The following DLGAP2 variants were observed in gnomAD, a reference collection of about 807,000 sequenced individuals.
DLGAP2 encodes disks large-associated protein 2.
Under a neutral mutation model 100.3 loss-of-function variants are expected in DLGAP2, and 26 were observed. The observed-to-expected ratio is 0.26, with a 90% CI of 0.19 to 0.36. The LOEUF (loss-of-function observed/expected upper bound fraction) is 0.36. DLGAP2 is among the 10% of genes least tolerant of loss of function. The pLI, the probability that DLGAP2 is intolerant of heterozygous loss-of-function variation, is 1.00. For missense variants in DLGAP2, 1,858 were observed against 1,453.2 expected, an observed-to-expected ratio of 1.28 and a Z score of -4.53; for synonymous variants, 886 against 630.1, an observed-to-expected ratio of 1.41 and a Z score of -6.08.
At chr8:1,430,029 C>CACATATATATATATATAT (rs1797379498) in intron 3 of DLGAP2, among the ~76,000 whole-genome samples, 3 of 39,236 alleles carry the variant, frequency 7.6e-5, no homozygotes, top group Admixed American at 4.4e-4. Context: ...TATATATATA[C>CACATATATATATATATAT]ACACACACAC....
Position 1,704,124 on chromosome 8 carries a change from C to G in DLGAP2, c.*2718C>G, listed in dbSNP as rs1242968104. ...GTTTATGATACTTGTGTTAGTCACT[C>G]GAGCTAGCTTATTTCAGCCACTTCT... is the stretch of plus-strand genomic sequence containing the variant. On this transcript the variant is annotated 3_prime_UTR_variant, in exon 15 of 15. Transcript: ENST00000637795. 6.6e-6 allele frequency: 1 copy of G among 152,590 alleles called. No homozygotes were observed. The highest frequency in any genetic ancestry group is 2.1e-4 in the South Asian group (1 of 4,830). 9.5% of individuals were successfully genotyped at this position (152,590 alleles called of 1,614,324 possible).
intron 1 of DLGAP2, among the ~76,000 whole-genome samples, chr8:860,706 A>G (rs1462331218): frequency 1.3e-5 from 2 of 152,164 alleles, no homozygotes; most frequent in East Asian, 1.9e-4. Flanking sequence ...TCACTTTTTC[A>G]TTTGTTCCAC....
At chr8:1,152,763 C>T (rs187019400) in intron 2 of DLGAP2, among the ~76,000 whole-genome samples, 9 of 152,286 alleles carry the variant, frequency 5.9e-5, no homozygotes, top group East Asian at 1.9e-4. Context: ...CTGAAGCTAA[C>T]GGCTATGTCT....
At chr8:960,237 C>CTTTTTTTTATTTTTTTT (rs1799692300) in intron 2 of DLGAP2, among the ~76,000 whole-genome samples, 1 of 44,640 alleles carries the variant, frequency 2.2e-5, no homozygotes, top group African/African-American at 8.8e-5. Flanking sequence ...TGAAGTATAT[C>CTTTTTTTTATTTTTTTT]TTTTTTTTTT....
At chr8:1,673,868 G>GAGGA (rs57234642) in intron 10 of DLGAP2, among the ~76,000 whole-genome samples, 2,893 of 152,258 alleles carry the variant, frequency 0.019, 97 homozygotes, top group African/African-American at 0.065. Flanking sequence ...TTTGGAGACA[G>GAGGA]AGGAAGGAAG....
intron 3 of DLGAP2, among the ~76,000 whole-genome samples, chr8:1,407,775 G>T (rs552627783): frequency 6.7e-6 from 1 of 149,274 alleles, no homozygotes; most frequent in Non-Finnish European, 1.5e-5. Context: ...AGTGCTTACT[G>T]AGCGCCACCT....
At chr8:945,815 G>C (rs138664902) in intron 2 of DLGAP2, among the ~76,000 whole-genome samples, 9 of 151,244 alleles carry the variant, frequency 6.0e-5, no homozygotes, top group Non-Finnish European at 1.2e-4. Context: ...TCGCTCCCTC[G>C]CTGTCCATTT....
chr8:1,622,346 T>C (rs144063231), intron 6 of DLGAP2: 1 of 152,366 alleles, frequency 6.6e-6, no homozygotes, highest in African/African-American at 2.4e-5. Context: ...CTGCATAGAA[T>C]CCTTACTGCT....
intron 1 of DLGAP2, among the ~76,000 whole-genome samples, chr8:777,263 T>C (rs1251436558): frequency 1.3e-5 from 2 of 150,736 alleles, no homozygotes; most frequent in African/African-American, 4.8e-5. Flanking sequence ...TGAGATGGGT[T>C]TCCTGAATAC....
chr8:1,551,555 C>T (rs1438151243), intron 5 of DLGAP2, among the ~76,000 whole-genome samples: 2 of 152,214 alleles, frequency 1.3e-5, no homozygotes, highest in Non-Finnish European at 2.9e-5. Flanking sequence ...ACGCTTCTCT[C>T]TGCCTCCAAC....
intron 12 of DLGAP2, among the ~76,000 whole-genome samples, chr8:1,679,967 G>A (rs553009655): frequency 6.3e-5 from 7 of 111,940 alleles, no homozygotes; most frequent in African/African-American, 2.2e-4. Flanking sequence ...GCAACAGAAT[G>A]AGACTCTGTC....
chr8:1,607,889 A>G (rs1310821156), intron 6 of DLGAP2, among the ~76,000 whole-genome samples: 1 of 149,506 alleles, frequency 6.7e-6, no homozygotes, highest in Admixed American at 6.6e-5. Flanking sequence ...GGAGGGTCCT[A>G]CGCCCACGGA....
intron 1 of DLGAP2, among the ~76,000 whole-genome samples, chr8:869,454 G>A (rs900009972): frequency 3.2e-4 from 48 of 152,140 alleles, no homozygotes; most frequent in African/African-American, 1.1e-3. Flanking sequence ...GTTTACGTTT[G>A]TACGCTGAGG....
chr8:1,013,410 C>G (rs980494545), intron 2 of DLGAP2, among the ~76,000 whole-genome samples: 10 of 152,028 alleles, frequency 6.6e-5, no homozygotes, highest in African/African-American at 2.2e-4. Flanking sequence ...TCCTGACTCT[C>G]TAGGGAGAAA....
At chr8:1,339,978 T>G (rs1801381839) in intron 3 of DLGAP2, among the ~76,000 whole-genome samples, 1 of 152,242 alleles carries the variant, frequency 6.6e-6, no homozygotes, top group African/African-American at 2.4e-5. Flanking sequence ...AGAAAATCAT[T>G]CAAATACCTT....
At chr8:827,640 A>C (rs1260736672) in intron 1 of DLGAP2, among the ~76,000 whole-genome samples, 1 of 152,262 alleles carries the variant, frequency 6.6e-6, no homozygotes, top group Non-Finnish European at 1.5e-5. Context: ...GAAATAAGAT[A>C]AATGATAGCA....
At chr8:951,026 G>A (rs1021838047) in intron 2 of DLGAP2, among the ~76,000 whole-genome samples, 4 of 152,000 alleles carry the variant, frequency 2.6e-5, no homozygotes, top group Admixed American at 2.6e-4. Flanking sequence ...TTCCTATTTT[G>A]TTTATATTTT....
intron 3 of DLGAP2, among the ~76,000 whole-genome samples, chr8:1,386,203 T>C (rs1203744658): frequency 6.6e-6 from 1 of 152,080 alleles, no homozygotes; most frequent in Non-Finnish European, 1.5e-5. Context: ...CAAAAGAGCA[T>C]AGAGAAAGCA....
At chr8:920,389 A>G (rs1798683261) in intron 2 of DLGAP2, among the ~76,000 whole-genome samples, 1 of 152,218 alleles carries the variant, frequency 6.6e-6, no homozygotes, top group Non-Finnish European at 1.5e-5. Flanking sequence ...GGACTGTAGA[A>G]GCTTCCCTTT....
Sources: gnomAD v4.1 joint callset for allele counts (sites outside exome capture counted in the v4.1 genomes callset) on GRCh38, gnomAD v4.1.1 for gene constraint, MANE v1.5 for transcripts, NCBI Gene and HGNC (gene_info 2026-07-23, HGNC 2026-07-21) for gene names.